Variants in PLD5 observed in about 807,000 individuals in gnomAD.
The protein encoded by PLD5 is inactive phospholipase D5.
A neutral mutation model predicts 61.1 loss-of-function variants in PLD5; 36 were observed. That is an observed-to-expected ratio of 0.59 (90% CI 0.45 to 0.78). The LOEUF (loss-of-function observed/expected upper bound fraction) is 0.78, where lower values mean the gene tolerates loss of function less well. PLD5 is among the 30% of genes least tolerant of loss of function. PLD5 has a pLI of 0.00. For synonymous variants in PLD5, 243 were observed against 242.8 expected, an observed-to-expected ratio of 1.00 and a Z score of -0.01; for missense variants, 515 against 644.4, an observed-to-expected ratio of 0.80 and a Z score of 2.17.
At chr1:242,224,565 G>A (rs538607180) in intron 4 of PLD5, among the ~76,000 whole-genome samples, 2 of 152,198 alleles carry the variant, frequency 1.3e-5, no homozygotes, top group Admixed American at 6.5e-5. Flanking sequence ...CAATATTCAC[G>A]GGGGTTATTC....
At chr1:242,144,235 C>T (rs1246517296) in intron 5 of PLD5, among the ~76,000 whole-genome samples, 1 of 140,116 alleles carries the variant, frequency 7.1e-6, no homozygotes, top group African/African-American at 2.8e-5. Flanking sequence ...GGAGCCACCA[C>T]ACCCAGCCTC....
chr1:242,237,002 G>T (rs1671678790), intron 4 of PLD5, among the ~76,000 whole-genome samples: 1 of 152,156 alleles, frequency 6.6e-6, no homozygotes, highest in African/African-American at 2.4e-5. Context: ...CTGAAAAATT[G>T]TTCTTTTCAC....
chr1:242,376,918 G>A, intron 1 of PLD5: 1 of 1,599,064 alleles, frequency 6.3e-7, no homozygotes, highest in Non-Finnish European at 8.5e-7. Context: ...TGGATCATCT[G>A]TGGCTATTTC....
chr1:242,131,408 G>T (rs1663236254), intron 5 of PLD5, among the ~76,000 whole-genome samples: 1 of 152,136 alleles, frequency 6.6e-6, no homozygotes, highest in African/African-American at 2.4e-5. Flanking sequence ...GAGGGTTTGG[G>T]TTTCATACAA....
At chr1:242,172,538 T>C (rs960641759) in intron 5 of PLD5, among the ~76,000 whole-genome samples, 27 of 151,794 alleles carry the variant, frequency 1.8e-4, no homozygotes, top group African/African-American at 6.1e-4. Flanking sequence ...AGAGTAGAAG[T>C]GAAGGCGATA....
chr1:242,149,401 T>G (rs1664764189), intron 5 of PLD5, among the ~76,000 whole-genome samples: 1 of 151,854 alleles, frequency 6.6e-6, no homozygotes. Flanking sequence ...TATTGAGAAC[T>G]TCCCATCCAT....
chr1:242,295,061 C>A (rs537600606), intron 2 of PLD5, among the ~76,000 whole-genome samples: 1 of 152,276 alleles, frequency 6.6e-6, no homozygotes, highest in South Asian at 2.1e-4. Flanking sequence ...CAGATGATCT[C>A]GGCTCATCAA....
chr1:242,380,625 G>T (rs547774995), intron 1 of PLD5, among the ~76,000 whole-genome samples: 1 of 151,150 alleles, frequency 6.6e-6, no homozygotes, highest in Non-Finnish European at 1.5e-5. Context: ...CTACAAAATG[G>T]AAGAAAATTT....
Position 242,096,316 on chromosome 1 carries a change from G to A in PLD5, c.1354+4352C>T, listed in dbSNP as rs540340539. The stretch of plus-strand genomic sequence containing the variant: ...AGAAGTATCGATCGATCGAAAGATC[G>A]ATCTCTCTCTCTCTCTTTCCCTTTC... On this transcript the variant is annotated intron_variant, in intron 9 of 9. Transcript: ENST00000536534. Among the ~76,000 whole-genome samples the A allele has an allele frequency of 6.0e-5, 9 of 150,590 alleles. No individual in the cohort carries two copies. In the South Asian group the frequency reaches 1.1e-3, roughly 18 times the overall value.
At chr1:242,201,988 G>T (rs1170391852) in intron 5 of PLD5, among the ~76,000 whole-genome samples, 3 of 151,970 alleles carry the variant, frequency 2.0e-5, no homozygotes, top group Non-Finnish European at 4.4e-5. Flanking sequence ...GCCAAGGCAG[G>T]TGGATCATTT....
intron 1 of PLD5, among the ~76,000 whole-genome samples, chr1:242,366,905 T>C (rs1251329892): frequency 1.3e-5 from 2 of 152,188 alleles, no homozygotes; most frequent in Non-Finnish European, 2.9e-5. Context: ...TTTTTATTTT[T>C]TTACTACTTA....
chr1:242,377,640 A>T (rs1662040653), intron 1 of PLD5, among the ~76,000 whole-genome samples: 1 of 152,154 alleles, frequency 6.6e-6, no homozygotes, highest in African/African-American at 2.4e-5. Flanking sequence ...CATGGGGGAA[A>T]AAAGCAGGTA....
At chr1:242,511,224 A>G (rs1279022982) in intron 1 of PLD5, among the ~76,000 whole-genome samples, 2 of 152,226 alleles carry the variant, frequency 1.3e-5, no homozygotes, top group Non-Finnish European at 2.9e-5. Context: ...ACAACATAAG[A>G]TAAATATCCC....
At chr1:242,454,194 G>A (rs889590556) in intron 1 of PLD5, among the ~76,000 whole-genome samples, 2 of 152,182 alleles carry the variant, frequency 1.3e-5, no homozygotes, top group South Asian at 2.1e-4. Context: ...TTCGCCAGGT[G>A]TGGTGGCGGT....
intron 2 of PLD5, among the ~76,000 whole-genome samples, chr1:242,320,973 A>G (rs73140799): frequency 0.023 from 3,571 of 152,276 alleles, 137 homozygotes; most frequent in African/African-American, 0.081. Context: ...CTGATTCCCA[A>G]ATTCTCAAAA....
intron 6 of PLD5, among the ~76,000 whole-genome samples, chr1:242,116,369 C>G (rs1180185839): frequency 6.6e-6 from 1 of 152,166 alleles, no homozygotes; most frequent in African/African-American, 2.4e-5. Flanking sequence ...AGAAAGTCCT[C>G]TTGGCAGGTG....
At chr1:242,213,687 GT>G (rs1213802135) in intron 5 of PLD5, among the ~76,000 whole-genome samples, 1 of 151,392 alleles carries the variant, frequency 6.6e-6, no homozygotes, top group Non-Finnish European at 1.5e-5. Flanking sequence ...CTCCCAGAGA[GT>G]TAACCCCCGC....
intron 1 of PLD5, among the ~76,000 whole-genome samples, chr1:242,429,240 G>T (rs1431674205): frequency 2.6e-5 from 4 of 152,192 alleles, no homozygotes; most frequent in African/African-American, 7.2e-5. Context: ...TTTAACATCT[G>T]CCAAAGAGCA....
chr1:242,187,729 T>A (rs1667994961), intron 5 of PLD5, among the ~76,000 whole-genome samples: 1 of 152,128 alleles, frequency 6.6e-6, no homozygotes, highest in Non-Finnish European at 1.5e-5. Context: ...ACTGTTTAAA[T>A]CTCTGAGCAC....
Sources: allele counts gnomAD v4.1 joint callset (sites outside exome capture counted in the v4.1 genomes callset), GRCh38; gene constraint gnomAD v4.1.1; transcripts MANE v1.5; gene names NCBI Gene and HGNC (gene_info 2026-07-23, HGNC 2026-07-21).